CP: variants seen among roughly 807,000 people sequenced by gnomAD.
The protein encoded by CP is caeruloplasmin.
CP carries 64 observed loss-of-function variants against 122.4 expected under a neutral mutation model. The ratio of observed to expected loss-of-function variants is 0.52; its 90% CI spans 0.43 to 0.64. The LOEUF (loss-of-function observed/expected upper bound fraction) is 0.64. Ranked by LOEUF, CP falls within the 30% of genes least tolerant of loss-of-function variation. The pLI is 0.00. For missense variants in CP, 1,167 were observed against 1,284.4 expected, an observed-to-expected ratio of 0.91 and a Z score of 1.40; for synonymous variants, 440 against 436.4, an observed-to-expected ratio of 1.01 and a Z score of -0.10.
chr3:149,190,690 AC>A (rs1219769331), intron 9 of CP, among the ~76,000 whole-genome samples: 1 of 150,956 alleles, frequency 6.6e-6, no homozygotes, highest in Non-Finnish European at 1.5e-5. Context: ...GAGGGGGGGA[AC>A]CCCATAAACA....
intron 2 of CP, among the ~76,000 whole-genome samples, 192 bp downstream of exon 2, chr3:149,212,259 C>T (rs930538215): frequency 5.9e-5 from 9 of 151,464 alleles, no homozygotes; most frequent in Non-Finnish European, 1.2e-4. Context: ...TGCAGTGATC[C>T]GAGGTCGTGC....
At chr3:149,217,931 GT>G in intron 1 of CP, 1 of 438,128 alleles carries the variant, frequency 2.3e-6, no homozygotes, top group Non-Finnish European at 4.6e-6. Context: ...TTTCTTCTTG[GT>G]CATTAGGCCT....
At chr3:149,217,513 A>T (rs1461131711) in intron 1 of CP, among the ~76,000 whole-genome samples, 1 of 152,168 alleles carries the variant, frequency 6.6e-6, no homozygotes. Context: ...CACTTTAACC[A>T]GTCTAATATC....
rs1415125245 is a variant in CP at position 149,202,091 on chromosome 3, C to T, written c.1348+11G>A. The T allele has an allele frequency of 6.2e-7, 1 of 1,613,954 alleles. No homozygotes were observed. The highest frequency in any genetic ancestry group is 1.7e-5 in the Admixed American group (1 of 60,014). On this transcript the variant is annotated intron_variant, in intron 7 of 18. Transcript: ENST00000264613. ...GAGTAAACCAGCCATATATATTCTG[C>T]AAGAACTCACCCAGGATGCCAAGAT...
chr3:149,189,743 C>T (rs1331298276), intron 9 of CP, among the ~76,000 whole-genome samples: 1 of 152,084 alleles, frequency 6.6e-6, no homozygotes, highest in East Asian at 1.9e-4. Context: ...CCAACAGGGA[C>T]TGGTACAATC....
chr3:149,177,982 A>T lies in CP; in HGVS notation c.2879-3T>A. The T allele has an allele frequency of 6.2e-7, 1 of 1,612,860 alleles. No homozygotes were observed. Among genetic ancestry groups the T allele is most frequent in the Non-Finnish European group, 8.5e-7 (1 of 1,178,834 alleles). ...TCCAAACATTCTTCCATTAATAGCT[A>T]GGGAAAGCATATGGTTTTATGTTAC... is the stretch of plus-strand genomic sequence containing the variant. On this transcript the variant is annotated splice_region_variant and splice_polypyrimidine_tract_variant and intron_variant, in intron 16 of 18. Coordinates refer to ENST00000264613, the MANE Select transcript of CP (RefSeq NM_000096.4).
Position 149,179,597 on chromosome 3 carries a change from A to G in CP, c.2620T>C (p.Cys874Arg), listed in dbSNP as rs1417763954. The change falls in exon 15 of 19, where the codon TGT becomes CGT. Residue 874 changes from cysteine to arginine, a missense_variant. By Grantham distance (180) the Cys-to-Arg change is radical (BLOSUM62 -3). Around this residue, in one of 2 missense-constraint regions of CP, gnomAD observed 525 missense variants for 657.2 expected, o/e 0.80. Coordinates refer to ENST00000264613, the MANE Select transcript of CP (RefSeq NM_000096.4). Reference protein sequence around the residue: ...RSGAGTEDSACIPWAYYSTVD... With the variant: ...RSGAGTEDSARIPWAYYSTVD... ...GTTGAATAATAAGCCCATGGAATAC[A>G]AGCAGAATCCTCTGTTCCAGCTCCA... is the stretch of plus-strand genomic sequence containing the variant. 1.9e-6 allele frequency: 3 copies of G among 1,613,932 alleles called. No homozygotes were observed. The highest frequency in any genetic ancestry group is 1.7e-5 in the Admixed American group (1 of 60,006).
At chr3:149,182,174 T>G in intron 13 of CP, 41 bp from the exon 14 acceptor site, 16 of 1,611,204 alleles carry the variant, frequency 9.9e-6, no homozygotes, top group Non-Finnish European at 1.4e-5. Flanking sequence ...TCAGAAGGTC[T>G]AACTTAGTAA....
intron 13 of CP, among the ~76,000 whole-genome samples, chr3:149,183,103 A>G (rs1180579367): frequency 6.6e-6 from 1 of 152,116 alleles, no homozygotes; most frequent in Non-Finnish European, 1.5e-5. Context: ...GTGAGCTGAA[A>G]TCACACCACT....
downstream of CP, among the ~76,000 whole-genome samples, chr3:149,171,095 T>C (rs188243958): frequency 3.9e-5 from 6 of 152,282 alleles, no homozygotes; most frequent in African/African-American, 1.4e-4. Context: ...CTGGCCAACA[T>C]GGTGAAACCC....
At chr3:149,183,025 C>T (rs1384566456) in intron 13 of CP, among the ~76,000 whole-genome samples, 1 of 152,034 alleles carries the variant, frequency 6.6e-6, no homozygotes, top group East Asian at 1.9e-4. Context: ...GTGGCCCATC[C>T]CTGTAGTCCC....
chr3:149,181,977 C>T (rs776274998), intron 14 of CP, 28 bp downstream of exon 14: 19 of 476,354 alleles, frequency 4.0e-5, no homozygotes, highest in African/African-American at 2.8e-4. Flanking sequence ...TTAAAATGCA[C>T]CACCCCCACC....
At chr3:149,178,822 G>C (rs547422558) in intron 15 of CP, among the ~76,000 whole-genome samples, 191 bp from the exon 16 acceptor site, 1 of 152,168 alleles carries the variant, frequency 6.6e-6, no homozygotes, top group Non-Finnish European at 1.5e-5. Flanking sequence ...TGAGTAGTAG[G>C]TAGGTCATGT....
chr3:149,179,528 G>A (rs1482386349), intron 15 of CP, 28 bp downstream of exon 15: 1 of 1,527,678 alleles, frequency 6.5e-7, no homozygotes, highest in African/African-American at 1.4e-5. Context: ...TTTGGGAAGT[G>A]TCACAAAACA....
chr3:149,173,148 A>T lies in CP; in HGVS notation c.*566T>A, dbSNP rs1278869514. 2 of 152,218 alleles carry T rather than the reference A, an allele frequency of 1.3e-5. No individual in the cohort carries two copies. Among genetic ancestry groups the T allele is most frequent in the Non-Finnish European group, 2.9e-5 (2 of 68,056 alleles). The allele number at this position is 152,218 out of a possible 1,614,324, so 9.4% of individuals were successfully genotyped here. A position where few individuals can be genotyped will look rare whatever the true frequency, so the allele number is the denominator to read the frequency against. ...TCCTTACCAGGATTTAATCTATAGA[A>T]TTGTCTCTCAACTCTGCTTTTCTCC... is the stretch of plus-strand genomic sequence containing the variant. On this transcript the variant is annotated 3_prime_UTR_variant, in exon 19 of 19. Coordinates refer to ENST00000264613, the MANE Select transcript of CP (RefSeq NM_000096.4).
At position 149,209,466 on chromosome 3, in the gene CP, T is replaced by A. The variant is rs1162932975; in HGVS notation, c.608-82A>T. On this transcript the variant is annotated intron_variant, in intron 3 of 18. Transcript: ENST00000264613. ...ATGTTTTCAGGTGATTTATAGTTTT[T>A]AAAAATGTTAGTATTTATTTTTTCG... The A allele has an allele frequency of 2.2e-6, 3 of 1,379,912 alleles. No individual in the cohort carries two copies. In the East Asian group the frequency reaches 7.1e-5, roughly 33 times the overall value. 85.5% of individuals were successfully genotyped at this position (1,379,912 alleles called of 1,614,324 possible). A position where few individuals can be genotyped will look rare whatever the true frequency, so the allele number is the denominator to read the frequency against.
chr3:149,205,581 G>A (rs1727655813), intron 6 of CP, among the ~76,000 whole-genome samples: 2 of 152,116 alleles, frequency 1.3e-5, no homozygotes, highest in Middle Eastern at 3.4e-3. Flanking sequence ...ATGAAATTCT[G>A]ATGCATGCTA....
rs1725419595 is a variant in CP, at chr3:149,176,387, A to AC, written c.3043dup (p.Val1015GlyfsTer3). ...GTATGTTCCAGGGAAAATGTCAAAG[A>AC]CATCAGAACTATAAACTCCCCTGTG... On this transcript the variant is annotated frameshift_variant, in exon 18 of 19. Coordinates refer to ENST00000264613, the MANE Select transcript of CP (RefSeq NM_000096.4). LOFTEE classifies it high-confidence loss of function. 6.2e-7 allele frequency: 1 copy of AC among 1,612,382 alleles called. No individual in the cohort carries two copies. Among genetic ancestry groups the AC allele is most frequent in the South Asian group, 1.1e-5 (1 of 91,046 alleles).
intron 7 of CP, 104 bp from the exon 8 acceptor site, chr3:149,199,968 A>C (rs1727190772): frequency 8.6e-7 from 1 of 1,166,506 alleles, no homozygotes; most frequent in Non-Finnish European, 1.3e-6. Flanking sequence ...AACTACTAGG[A>C]GCAACACGCT....
Sources: gnomAD v4.1 joint callset for allele counts (sites outside exome capture counted in the v4.1 genomes callset) on GRCh38, gnomAD v4.1.1 for gene constraint, gnomAD v4.1.1 regional missense constraint, MANE v1.5 for transcripts, NCBI Gene and HGNC (gene_info 2026-07-23, HGNC 2026-07-21) for gene names.